The following KIRREL3 variants were observed in gnomAD, a reference collection of about 807,000 sequenced individuals.
The protein encoded by KIRREL3 is kirre like nephrin family adhesion molecule 3.
Under a neutral mutation model 89.7 loss-of-function variants are expected in KIRREL3, and 36 were observed. The ratio of observed to expected loss-of-function variants is 0.40; its 90% CI spans 0.31 to 0.53. The LOEUF is 0.53. Among genes scored for constraint, KIRREL3 ranks in the 20% least tolerant of loss-of-function variants. KIRREL3 has a pLI of 0.49. For missense variants in KIRREL3, 864 were observed against 1,056.6 expected, an observed-to-expected ratio of 0.82 and a Z score of 2.53; for synonymous variants, 445 against 441.4, an observed-to-expected ratio of 1.01 and a Z score of -0.10.
At chr11:126,922,810 T>C (rs1947407466) in intron 1 of KIRREL3, among the ~76,000 whole-genome samples, 1 of 152,182 alleles carries the variant, frequency 6.6e-6, no homozygotes, top group Admixed American at 6.5e-5. Flanking sequence ...ACCAAGCCCC[T>C]TGAAAGAGTT....
At chr11:126,743,630 T>G (rs926219947) in intron 1 of KIRREL3, among the ~76,000 whole-genome samples, 2 of 152,224 alleles carry the variant, frequency 1.3e-5, no homozygotes, top group Non-Finnish European at 2.9e-5. Context: ...CAGAATTGGA[T>G]TTGAATCTTT....
chr11:126,489,751 C>T lies in KIRREL3; in HGVS notation c.434-16285G>A, dbSNP rs550934135. Among the ~76,000 whole-genome samples the T allele has an allele frequency of 8.5e-4, 130 of 152,280 alleles. No homozygotes were observed. The highest frequency in any genetic ancestry group is 5.2e-4 in the Admixed American group (8 of 15,302). ...CTAGCAGCCCTTGGATCCTTAATCACCTCTGTTCTTTTGCTGGCTCTCTCT... is the reference window on the plus strand; with the variant it reads ...CTAGCAGCCCTTGGATCCTTAATCATCTCTGTTCTTTTGCTGGCTCTCTCT... On this transcript the variant is annotated intron_variant, in intron 4 of 16. Coordinates refer to ENST00000525144, the MANE Select transcript of KIRREL3 (RefSeq NM_032531.4). This position sits in a 1 kb window ranked among gnomAD's most constrained non-coding sequence, Gnocchi z 5.5.
At chr11:126,649,154 T>A (rs903651062) in intron 1 of KIRREL3, among the ~76,000 whole-genome samples, 1 of 152,272 alleles carries the variant, frequency 6.6e-6, no homozygotes, top group African/African-American at 2.4e-5. Context: ...GAAACCACCC[T>A]CATGATTAAA....
chr11:126,562,896 C>A lies in KIRREL3; in HGVS notation c.72G>T (p.Lys24Asn). Residue 24 changes from lysine to asparagine, a missense_variant, in exon 2 of 17, where the codon AAG becomes AAT. Transcript: ENST00000525144. The surrounding 1 kb of genome is among the most constrained non-coding windows in gnomAD (Gnocchi z 4.7). ...FLFSQELGLQ[K>N]RGCCLVLGYM... ...AGCCCAGCACCAGACAGCATCCTCT[C>A]TTCTGGAGGCCCAGCTCTGGAAGAG... is the stretch of plus-strand genomic sequence containing the variant. 1 of 1,613,836 alleles carries A rather than the reference C, an allele frequency of 6.2e-7. No homozygotes were observed. Among genetic ancestry groups the A allele is most frequent in the Non-Finnish European group, 8.5e-7 (1 of 1,179,772 alleles).
chr11:126,937,644 T>C (rs1051983877), intron 1 of KIRREL3, among the ~76,000 whole-genome samples: 6 of 152,200 alleles, frequency 3.9e-5, no homozygotes, highest in Admixed American at 1.3e-4. Context: ...CTCATGCCTG[T>C]AATCCCAGCA....
rs1249122078 is a variant in KIRREL3, at chr11:126,498,066, G to T, written c.433+23249C>A. ...GACAAGGAAGCAGAGGCTCAGAGAGGGTAAATGACTTGCCCCAAATCACAC... is the reference window on the plus strand; with the variant it reads ...GACAAGGAAGCAGAGGCTCAGAGAGTGTAAATGACTTGCCCCAAATCACAC... On this transcript the variant is annotated intron_variant, in intron 4 of 16. Coordinates refer to ENST00000525144, the MANE Select transcript of KIRREL3 (RefSeq NM_032531.4). The surrounding 1 kb of genome is among the most constrained non-coding windows in gnomAD (Gnocchi z 4.3). Among the ~76,000 whole-genome samples the T allele has an allele frequency of 6.6e-6, 1 of 152,184 alleles. No homozygotes were observed. Among genetic ancestry groups the T allele is most frequent in the African/African-American group, 2.4e-5 (1 of 41,440 alleles).
intron 1 of KIRREL3, among the ~76,000 whole-genome samples, chr11:126,698,356 T>C (rs1313395436): frequency 6.6e-6 from 1 of 152,202 alleles, no homozygotes; most frequent in Non-Finnish European, 1.5e-5. Flanking sequence ...CCAGGCCTGC[T>C]AAGACTCTAT....
intron 1 of KIRREL3, among the ~76,000 whole-genome samples, chr11:126,923,234 CTTCTTCTTCT>C (rs1947507771): frequency 2.2e-5 from 1 of 46,354 alleles, no homozygotes; most frequent in Non-Finnish European, 4.6e-5. Flanking sequence ...TCTTCTTCTT[CTTCTTCTTCT>C]TCTTCTTCTT....
intron 1 of KIRREL3, among the ~76,000 whole-genome samples, chr11:126,875,183 T>C (rs1945237446): frequency 6.6e-6 from 1 of 152,168 alleles, no homozygotes; most frequent in Non-Finnish European, 1.5e-5. Context: ...CCTCCATATA[T>C]GACCTTGTGT....
chr11:126,704,894 C>G lies in KIRREL3; in HGVS notation c.56-141982G>C, dbSNP rs1001670439. On this transcript the variant is annotated intron_variant, in intron 1 of 16. Coordinates refer to ENST00000525144, the MANE Select transcript of KIRREL3 (RefSeq NM_032531.4). The surrounding 1 kb of genome is among the most constrained non-coding windows in gnomAD (Gnocchi z 4.2). ...CAGTATTCTCCTCCTGCGACCATGC[C>G]ATGGGATGAAAGCCTCTGCCCTGTA... Among the ~76,000 whole-genome samples, 2 of 152,190 alleles carry G rather than the reference C, an allele frequency of 1.3e-5. No homozygotes were observed. The highest frequency in any genetic ancestry group is 1.3e-4 in the Admixed American group (2 of 15,284).
At position 126,896,833 on chromosome 11, in the gene KIRREL3, T is replaced by C. The variant is rs1004247795; in HGVS notation, c.55+103622A>G. ...CTTACCCAAGCGCGTGTTCTCCTCT[T>C]TCATAGCTTCCATTCTTACCCCCAT... On this transcript the variant is annotated intron_variant, in intron 1 of 16. Transcript: ENST00000525144. The surrounding 1 kb of genome is among the most constrained non-coding windows in gnomAD (Gnocchi z 4.1). Among the ~76,000 whole-genome samples, 4 of 152,264 alleles carry C rather than the reference T, an allele frequency of 2.6e-5. 1 individual carries two copies. Among genetic ancestry groups the C allele is most frequent in the African/African-American group, 7.2e-5 (3 of 41,544 alleles).
intron 2 of KIRREL3, among the ~76,000 whole-genome samples, chr11:126,548,935 C>T (rs1385163603): frequency 1.3e-5 from 2 of 152,196 alleles, no homozygotes; most frequent in Non-Finnish European, 2.9e-5. Flanking sequence ...ACCTTCCCCA[C>T]CTAATGTTTA....
At chr11:126,916,342 T>C (rs1044892282) in intron 1 of KIRREL3, among the ~76,000 whole-genome samples, 15 of 152,132 alleles carry the variant, frequency 9.9e-5, no homozygotes, top group African/African-American at 3.6e-4. Flanking sequence ...AAAACACAAA[T>C]TGCTGAGCCC....
At position 126,530,883 on chromosome 11, in the gene KIRREL3, T is replaced by A. The variant is rs984014786; in HGVS notation, c.134-4196A>T. On this transcript the variant is annotated intron_variant, in intron 2 of 16. Transcript: ENST00000525144. The surrounding 1 kb of genome is among the most constrained non-coding windows in gnomAD (Gnocchi z 5.8). ...TCTGACTTTGTTGCCCAGGCTGGAGTGCAGTGGTGCGATCTCCGCTCATTG... is the reference window on the plus strand; with the variant it reads ...TCTGACTTTGTTGCCCAGGCTGGAGAGCAGTGGTGCGATCTCCGCTCATTG... 6.6e-6 allele frequency among the ~76,000 whole-genome samples: 1 copy of A among 151,978 alleles called. No homozygotes were observed. The highest frequency in any genetic ancestry group is 1.5e-5 in the Non-Finnish European group (1 of 68,002).
In KIRREL3 at chr11:126,429,075, C is replaced by T. The variant is rs577729960; in HGVS notation, c.1806+104G>A. 5.2e-5 allele frequency: 38 copies of T among 729,464 alleles called. No individual in the cohort carries two copies. Among genetic ancestry groups the T allele is most frequent in the Non-Finnish European group, 8.3e-5 (35 of 423,392 alleles). 45.2% of individuals were successfully genotyped at this position (729,464 alleles called of 1,614,324 possible). On this transcript the variant is annotated intron_variant, in intron 15 of 16. Transcript: ENST00000525144. The surrounding 1 kb of genome is among the most constrained non-coding windows in gnomAD (Gnocchi z 5.2). The stretch of plus-strand genomic sequence containing the variant: ...GGGTGGGCAGGGGGCATCTTGAACG[C>T]TGCTCTGCTTTTTGGAAGCATCTAG...
chr11:126,654,006 G>A (rs1002370107), intron 1 of KIRREL3, among the ~76,000 whole-genome samples: 11 of 152,176 alleles, frequency 7.2e-5, no homozygotes, highest in African/African-American at 2.4e-4. Flanking sequence ...CAGTCACAGC[G>A]AGGCCACAGC....
At chr11:126,937,878 G>A (rs566313181) in intron 1 of KIRREL3, among the ~76,000 whole-genome samples, 17 of 152,142 alleles carry the variant, frequency 1.1e-4, no homozygotes, top group South Asian at 4.2e-4. Flanking sequence ...CAGCCTGGGC[G>A]ACAGAGCGAG....
intron 1 of KIRREL3, among the ~76,000 whole-genome samples, chr11:126,714,974 G>A (rs758723340): frequency 1.2e-4 from 18 of 152,148 alleles, no homozygotes; most frequent in Admixed American, 7.9e-4. Flanking sequence ...CACCCGAGGC[G>A]TCAAGCCACA....
rs147832900 is a variant in KIRREL3 at position 126,768,082 on chromosome 11, C to T, written c.56-205170G>A. ...GATTCCTCTTATCAGCCATTTCTGG[C>T]AACTGTCATTCATTATTTCATCCAT... On this transcript the variant is annotated intron_variant, in intron 1 of 16. Coordinates refer to ENST00000525144, the MANE Select transcript of KIRREL3 (RefSeq NM_032531.4). The surrounding 1 kb of genome is among the most constrained non-coding windows in gnomAD (Gnocchi z 4.5). 2.1e-3 allele frequency among the ~76,000 whole-genome samples: 318 copies of T among 152,254 alleles called. 1 individual carries two copies. The South Asian group carries it at 0.025, about 12-fold the overall frequency.
Sources: allele counts gnomAD v4.1 joint callset (sites outside exome capture counted in the v4.1 genomes callset), GRCh38; gene constraint gnomAD v4.1.1; non-coding constraint Gnocchi (gnomAD v3.1); transcripts MANE v1.5; gene names NCBI Gene and HGNC (gene_info 2026-07-23, HGNC 2026-07-21).